Variants in CHIC2 observed in about 807,000 individuals in gnomAD.
The protein encoded by CHIC2 is cysteine-rich hydrophobic domain-containing protein 2.
A neutral mutation model predicts 25.9 loss-of-function variants in CHIC2; 14 were observed. That is an observed-to-expected ratio of 0.54 (90% confidence interval 0.36 to 0.85). The LOEUF is 0.85. Ranked by LOEUF, CHIC2 falls within the 40% of genes least tolerant of loss-of-function variation. The probability of loss-of-function intolerance (pLI) is 0.01; values close to 1 mark genes in which losing one functional copy is unlikely to be tolerated. For missense variants in CHIC2, 146 were observed against 202.0 expected (o/e 0.72, Z 1.68); for synonymous variants, 70 against 72.0 (o/e 0.97, Z 0.14).
rs747500772 is a variant in CHIC2 at position 54,049,319 on chromosome 4, TAAG to T, written c.120-17_120-15del. ...CTCAGTCCAAATCTATTTTAAAAAA[TAAG>T]AAGAATATGTTATTACATGTTATTG... is the stretch of plus-strand genomic sequence containing the variant. On this transcript the variant is annotated splice_polypyrimidine_tract_variant and intron_variant, in intron 1 of 5. Transcript: ENST00000263921. The T allele has an allele frequency of 1.5e-5, 23 of 1,531,474 alleles. No homozygotes were observed. Among genetic ancestry groups the T allele is most frequent in the African/African-American group, 6.9e-5 (5 of 72,676 alleles). The allele number at this position is 1,531,474 out of a possible 1,614,324, so 94.9% of individuals were successfully genotyped here.
At chr4:54,055,160 G>C (rs1309271913) in intron 1 of CHIC2, among the ~76,000 whole-genome samples, 1 of 152,136 alleles carries the variant, frequency 6.6e-6, no homozygotes, top group African/African-American at 2.4e-5. Flanking sequence ...TTGTAATTTA[G>C]ATGGATTCTT....
chr4:54,031,344 ATCT>A (rs1560386893), intron 3 of CHIC2, among the ~76,000 whole-genome samples: 4 of 152,196 alleles, frequency 2.6e-5, no homozygotes, highest in South Asian at 2.1e-4. Flanking sequence ...TTATCAGGGA[ATCT>A]TCTTCTTATT....
chr4:54,034,865 T>C (rs1560388395), intron 3 of CHIC2, among the ~76,000 whole-genome samples: 1 of 152,224 alleles, frequency 6.6e-6, no homozygotes, highest in African/African-American at 2.4e-5. Context: ...GTCATGTTAA[T>C]TGTAGGGTTT....
chr4:54,023,700 C>T (rs1309293944), intron 3 of CHIC2, among the ~76,000 whole-genome samples: 1 of 152,186 alleles, frequency 6.6e-6, no homozygotes, highest in African/African-American at 2.4e-5. Context: ...CCACATCTAT[C>T]ATTGAGGCTA....
intron 4 of CHIC2, 30 bp downstream of exon 4, chr4:54,014,033 C>A: frequency 6.2e-7 from 1 of 1,610,998 alleles, no homozygotes; most frequent in Non-Finnish European, 8.5e-7. Context: ...CAGACCCCAA[C>A]AGTACGAAGC....
chr4:54,050,283 T>C (rs1376866335), intron 1 of CHIC2, among the ~76,000 whole-genome samples: 3 of 152,144 alleles, frequency 2.0e-5, no homozygotes, highest in Non-Finnish European at 1.5e-5. Flanking sequence ...GGACTCCAAC[T>C]TTACACCTAA....
chr4:54,030,878 AT>A lies in CHIC2; in HGVS notation c.331-16760del, dbSNP rs537614908. Among the ~76,000 whole-genome samples the A allele has an allele frequency of 8.1e-3, 1,131 of 138,920 alleles. 13 individuals are homozygous for A. Among genetic ancestry groups the A allele is most frequent in the African/African-American group, 0.021 (798 of 38,042 alleles). 91.1% of individuals were successfully genotyped at this position (138,920 alleles called of 152,430 possible). A position where few individuals can be genotyped will look rare whatever the true frequency, so the allele number is the denominator to read the frequency against. ...TTTAAAATAAAAATTAACATTGAGA[AT>A]TTTTTTTTTTTTTTGAGACGGAGTC... On this transcript the variant is annotated intron_variant, in intron 3 of 5. Transcript: ENST00000263921.
At position 54,011,841 on chromosome 4, in the gene CHIC2, T is replaced by A. The variant is rs549128276; in HGVS notation, c.448-1696A>T. 3.6e-4 allele frequency among the ~76,000 whole-genome samples: 54 copies of A among 151,770 alleles called. No individual in the cohort carries two copies. In the East Asian group the frequency reaches 5.8e-3, roughly 16 times the overall value. ...CAAGGTGGAATATATATATATATAT[T>A]TTTTAGTATCTCCAATGTTCAAATT... On this transcript the variant is annotated intron_variant, in intron 5 of 5. Transcript: ENST00000263921.
chr4:54,090,319 G>A, the CHIC2 span, among the ~76,000 whole-genome samples: 71 of 152,172 alleles, frequency 4.7e-4, no homozygotes, highest in African/African-American at 1.7e-3. Flanking sequence ...CCAAGTAGCT[G>A]CGGCTACAGG....
chr4:54,042,971 C>T (rs1716627187), intron 3 of CHIC2, among the ~76,000 whole-genome samples: 1 of 152,120 alleles, frequency 6.6e-6, no homozygotes, highest in Admixed American at 6.5e-5. Context: ...TATTGGTTGT[C>T]AAAATGTAGC....
At chr4:54,064,814 G>T (rs749399244), upstream of CHIC2, 17 of 257,792 alleles carry the variant, frequency 6.6e-5, no homozygotes, top group African/African-American at 3.7e-4. This position sits in a 1 kb window ranked among gnomAD's most constrained non-coding sequence, Gnocchi z 4.2. Flanking sequence ...CGGGGCGCGC[G>T]CTCCCGCCGG....
rs1715523293 is a variant in CHIC2, at chr4:54,009,833, G to GT, written c.*261dup. 2.3e-5 allele frequency: 7 copies of GT among 307,430 alleles called. No individual in the cohort carries two copies. In the South Asian group the frequency reaches 8.4e-4, roughly 37 times the overall value. The allele number at this position is 307,430 out of a possible 1,614,324, so 19.0% of individuals were successfully genotyped here. On this transcript the variant is annotated 3_prime_UTR_variant, in exon 6 of 6. Coordinates refer to ENST00000263921, the MANE Select transcript of CHIC2 (RefSeq NM_012110.4). ...TGTATTTTTTTGATAATACAAAAAA[G>GT]TAATCCTTGAAAATCAGAATACATA...
upstream of CHIC2, among the ~76,000 whole-genome samples, chr4:54,068,897 C>T (rs1040122268): frequency 8.5e-5 from 13 of 152,194 alleles, no homozygotes; most frequent in African/African-American, 2.9e-4. Context: ...TTGGGGTTCC[C>T]ACAACACCCT....
chr4:54,038,257 T>C (rs1341404057), intron 3 of CHIC2, among the ~76,000 whole-genome samples: 1 of 152,218 alleles, frequency 6.6e-6, no homozygotes, highest in Non-Finnish European at 1.5e-5. Flanking sequence ...TGGAATTTAA[T>C]AAGTGAATTT....
chr4:54,023,693 CATCT>C (rs1715974354), intron 3 of CHIC2, among the ~76,000 whole-genome samples: 1 of 152,230 alleles, frequency 6.6e-6, no homozygotes, highest in South Asian at 2.1e-4. Context: ...GTATCTTCCA[CATCT>C]ATCATTGAGG....
intron 1 of CHIC2, among the ~76,000 whole-genome samples, chr4:54,058,832 T>C (rs1717252133): frequency 1.3e-5 from 2 of 152,128 alleles, no homozygotes; most frequent in Admixed American, 6.5e-5. Flanking sequence ...TTTAGAGTAA[T>C]ATTATTTATT....
chr4:54,090,770 C>T, the CHIC2 span, among the ~76,000 whole-genome samples: 1 of 152,146 alleles, frequency 6.6e-6, no homozygotes, highest in Non-Finnish European at 1.5e-5. Context: ...CAATCCCAAA[C>T]TCAGTGGTGC....
upstream of CHIC2, among the ~76,000 whole-genome samples, chr4:54,066,820 A>C (rs919798838): frequency 3.3e-5 from 5 of 152,158 alleles, no homozygotes; most frequent in African/African-American, 1.2e-4. Flanking sequence ...GCAAATGGGA[A>C]GATAAGAAAG....
chr4:54,067,839 C>A (rs1427704347), upstream of CHIC2, among the ~76,000 whole-genome samples: 1 of 152,000 alleles, frequency 6.6e-6, no homozygotes, highest in African/African-American at 2.4e-5. Flanking sequence ...GCTTCCTTTT[C>A]TTCATCTTCA....
Sources: allele counts gnomAD v4.1 joint callset (sites outside exome capture counted in the v4.1 genomes callset), GRCh38; gene constraint gnomAD v4.1.1; non-coding constraint Gnocchi (gnomAD v3.1); transcripts MANE v1.5; gene names NCBI Gene and HGNC (gene_info 2026-07-23, HGNC 2026-07-21).